The following TAOK1 variants were observed in gnomAD, a reference collection of about 807,000 sequenced individuals.
The protein encoded by TAOK1 is TAO kinase 1, also known as serine/threonine-protein kinase TAO1.
A neutral mutation model predicts 138.3 loss-of-function variants in TAOK1; 21 were observed. The ratio of observed to expected loss-of-function variants is 0.15; its 90% CI spans 0.11 to 0.22. The LOEUF (loss-of-function observed/expected upper bound fraction) is 0.22. Ranked by LOEUF, TAOK1 falls within the 10% of genes least tolerant of loss-of-function variation. The pLI, the probability that TAOK1 is intolerant of heterozygous loss-of-function variation, is 1.00. For missense variants in TAOK1, 651 were observed against 1,227.7 expected, an observed-to-expected ratio of 0.53 and a Z score of 7.02; for synonymous variants, 361 against 398.4, an observed-to-expected ratio of 0.91 and a Z score of 1.12.
At chr17:29,483,341 G>A (rs1216785009) in intron 8 of TAOK1, among the ~76,000 whole-genome samples, 2 of 151,914 alleles carry the variant, frequency 1.3e-5, no homozygotes, top group African/African-American at 4.8e-5. Context: ...GCCTCCCGCA[G>A]TGGGGGGATT....
chr17:29,420,173 T>C (rs1021818852), intron 1 of TAOK1, among the ~76,000 whole-genome samples: 3 of 152,008 alleles, frequency 2.0e-5, no homozygotes, highest in Admixed American at 1.3e-4. Flanking sequence ...GCCTCCCAAG[T>C]AGCTGGGACT....
chr17:29,522,691 C>G (rs1447025327), intron 17 of TAOK1, among the ~76,000 whole-genome samples, 172 bp downstream of exon 17: 1 of 152,120 alleles, frequency 6.6e-6, no homozygotes, highest in African/African-American at 2.4e-5. Context: ...CAGTCTTTTG[C>G]TTATGTATTT....
intron 2 of TAOK1, among the ~76,000 whole-genome samples, chr17:29,462,777 G>C (rs114420326): frequency 0.013 from 2,001 of 152,280 alleles, 44 homozygotes; most frequent in African/African-American, 0.045. Context: ...CAATTTCCTA[G>C]TTTGAAACAA....
chr17:29,416,327 G>C (rs1905263349), intron 1 of TAOK1, among the ~76,000 whole-genome samples: 1 of 151,842 alleles, frequency 6.6e-6, no homozygotes. Flanking sequence ...ATTTTTATTG[G>C]ATAGATTTAG....
intron 1 of TAOK1, among the ~76,000 whole-genome samples, chr17:29,434,647 A>T (rs1905969175): frequency 1.3e-5 from 2 of 152,130 alleles, no homozygotes; most frequent in East Asian, 3.9e-4. Flanking sequence ...TCCCACCTAC[A>T]GTCAGTAGCT....
chr17:29,478,422 T>A, intron 6 of TAOK1, 75 bp downstream of exon 6: 1 of 1,075,710 alleles, frequency 9.3e-7, no homozygotes, highest in South Asian at 1.9e-5. Flanking sequence ...TTATTAACTC[T>A]AAAGTTTTTA....
At chr17:29,417,166 T>C (rs1396741079) in intron 1 of TAOK1, among the ~76,000 whole-genome samples, 1 of 152,016 alleles carries the variant, frequency 6.6e-6, no homozygotes, top group Non-Finnish European at 1.5e-5. Flanking sequence ...AGGCGTCTGC[T>C]ACCATGCCTG....
intron 14 of TAOK1, among the ~76,000 whole-genome samples, chr17:29,508,792 AATAATTGTC>A (rs1778699851): frequency 6.6e-6 from 1 of 152,172 alleles, no homozygotes; most frequent in African/African-American, 2.4e-5. Context: ...ATTATTGACA[AATAATTGTC>A]ATTATTTTAC....
At chr17:29,420,375 G>A (rs530252140) in intron 1 of TAOK1, among the ~76,000 whole-genome samples, 1 of 152,120 alleles carries the variant, frequency 6.6e-6, no homozygotes, top group African/African-American at 2.4e-5. Context: ...CTGCAACCTT[G>A]ATAAATTCAC....
intron 2 of TAOK1, among the ~76,000 whole-genome samples, chr17:29,462,288 C>T (rs1015631540): frequency 6.6e-6 from 1 of 152,150 alleles, no homozygotes; most frequent in South Asian, 2.1e-4. Context: ...TGAAACTAAA[C>T]CAGAGTCAGA....
At chr17:29,442,491 A>G (rs1264411897) in intron 1 of TAOK1, among the ~76,000 whole-genome samples, 14 of 148,768 alleles carry the variant, frequency 9.4e-5, no homozygotes, top group Admixed American at 8.7e-4. Flanking sequence ...TGAATTGCCT[A>G]TTTATGGAAC....
chr17:29,458,068 C>T (rs2030436477), intron 2 of TAOK1, among the ~76,000 whole-genome samples: 2 of 151,844 alleles, frequency 1.3e-5, no homozygotes, highest in Admixed American at 6.6e-5. Flanking sequence ...CGAGATTGCG[C>T]CACTGGGCTC....
intron 1 of TAOK1, among the ~76,000 whole-genome samples, chr17:29,406,567 G>A (rs1904998165): frequency 6.6e-6 from 1 of 151,346 alleles, no homozygotes; most frequent in Admixed American, 6.6e-5. Context: ...TCACTGTTTT[G>A]CCCAGACTGA....
At position 29,542,784 on chromosome 17, in the gene TAOK1, G is replaced by A. The variant is rs1002912495; in HGVS notation, c.2768G>A (p.Gly923Asp). Residue 923 changes from glycine (G) to aspartate (D), a missense_variant, in exon 20 of 20, where the codon GGT (glycine) becomes GAT (aspartate). This residue lies in a region of TAOK1 where 108 missense variants were observed against 120.3 expected (regional missense o/e 0.90). Coordinates refer to ENST00000261716, the MANE Select transcript of TAOK1 (RefSeq NM_020791.4). ...ACTGGGGGTCCAGGACCTCACTGGGGTCATCCCATGGGTGGCCCACCACAA... is the reference window on the plus strand; with the variant it reads ...ACTGGGGGTCCAGGACCTCACTGGGATCATCCCATGGGTGGCCCACCACAA... ...NPTGGPGPHW[G>D]HPMGGPPQAW... 1.8e-5 allele frequency: 29 copies of A among 1,614,148 alleles called. No individual in the cohort carries two copies. Among genetic ancestry groups the A allele is most frequent in the Non-Finnish European group, 2.5e-5 (29 of 1,180,012 alleles).
At chr17:29,534,593 A>G (rs1316621252) in intron 19 of TAOK1, among the ~76,000 whole-genome samples, 4 of 152,190 alleles carry the variant, frequency 2.6e-5, no homozygotes, top group East Asian at 1.9e-4. Context: ...ATATGGCTCT[A>G]TTTTCCTCAC....
At chr17:29,513,453 T>A (rs1256118541) in intron 15 of TAOK1, 1 of 152,256 alleles carries the variant, frequency 6.6e-6, no homozygotes, top group Non-Finnish European at 1.5e-5. Flanking sequence ...AATCAGACTT[T>A]AGCTTTATGG....
chr17:29,414,882 A>G (rs1331057747), intron 1 of TAOK1, among the ~76,000 whole-genome samples: 1 of 152,010 alleles, frequency 6.6e-6, no homozygotes, highest in Non-Finnish European at 1.5e-5. Context: ...TTTATGGCTG[A>G]ATAATATTCC....
At position 29,510,894 on chromosome 17, in the gene TAOK1, T is replaced by A; in HGVS notation, c.1606T>A (p.Phe536Ile). Residue 536 changes from phenylalanine to isoleucine, a missense_variant, in exon 15 of 20, where the codon TTT becomes ATT. By Grantham distance (21) the Phe-to-Ile change is conservative. Coordinates refer to ENST00000261716, the MANE Select transcript of TAOK1 (RefSeq NM_020791.4). Reference protein sequence around the residue: ...AKVMSNEEKKFQQHIQAQQKK... With the variant: ...AKVMSNEEKKIQQHIQAQQKK... ...AGTGATGTCCAATGAAGAGAAAAAA[T>A]TTCAGCAACATATTCAGGCCCAACA... 6.2e-7 allele frequency: 1 copy of A among 1,605,350 alleles called. No homozygotes were observed. The highest frequency in any genetic ancestry group is 8.5e-7 in the Non-Finnish European group (1 of 1,176,570).
intron 12 of TAOK1, among the ~76,000 whole-genome samples, chr17:29,500,031 A>C (rs1017979664): frequency 2.6e-5 from 4 of 152,188 alleles, no homozygotes; most frequent in African/African-American, 9.7e-5. Context: ...AGGAATGCTA[A>C]GGCTGGGAGT....
Sources: allele counts gnomAD v4.1 joint callset (sites outside exome capture counted in the v4.1 genomes callset), GRCh38; gene constraint gnomAD v4.1.1; regional missense constraint gnomAD v4.1.1; transcripts MANE v1.5; gene names NCBI Gene and HGNC (gene_info 2026-07-23, HGNC 2026-07-21).